CNOT8: variants seen among roughly 807,000 people sequenced by gnomAD.
The protein encoded by CNOT8 is CAF1-like protein.
In CNOT8, 18 loss-of-function variants were observed where a neutral mutation model predicts 34.6. The observed-to-expected ratio is 0.52, with a 90% CI of 0.36 to 0.77. CNOT8 has a LOEUF of 0.77. Ranked by LOEUF, CNOT8 falls within the 30% of genes least tolerant of loss-of-function variation. The probability of loss-of-function intolerance (pLI) is 0.00; values close to 1 mark genes in which losing one functional copy is unlikely to be tolerated. For missense variants in CNOT8, 189 were observed against 347.9 expected (o/e 0.54, Z 3.63); for synonymous variants, 101 against 118.8 (o/e 0.85, Z 0.98).
chr5:154,870,791 T>G lies in CNOT8; in HGVS notation c.442T>G (p.Cys148Gly). Reference protein sequence around the residue: ...ELLMTSGVVLCDNVKWLSFHS... With the variant: ...ELLMTSGVVLGDNVKWLSFHS... ...GCTTATGACATCAGGAGTGGTTCTC[T>G]GTGACAATGTCAAATGGCTTTCATT... Residue 148 changes from cysteine to glycine, a missense_variant, in exon 4 of 7, where the codon TGT (cysteine) becomes GGT (glycine). Transcript: ENST00000285896. 6.2e-7 allele frequency: 1 copy of G among 1,613,928 alleles called. No homozygotes were observed. The highest frequency in any genetic ancestry group is 1.1e-5 in the South Asian group (1 of 91,012).
intron 3 of CNOT8, among the ~76,000 whole-genome samples, chr5:154,868,136 A>C (rs1479312895): frequency 2.0e-5 from 3 of 151,604 alleles, no homozygotes; most frequent in Non-Finnish European, 4.4e-5. Flanking sequence ...ACGGGGTTTC[A>C]CCATGTTGGC....
intron 3 of CNOT8, among the ~76,000 whole-genome samples, chr5:154,866,106 C>G (rs1282841459): frequency 2.0e-5 from 3 of 152,134 alleles, no homozygotes; most frequent in East Asian, 3.9e-4. Context: ...TAGTGTACTT[C>G]CTATTGTATC....
At chr5:154,861,844 G>C (rs575132298) in intron 1 of CNOT8, among the ~76,000 whole-genome samples, 5 of 152,172 alleles carry the variant, frequency 3.3e-5, no homozygotes, top group African/African-American at 2.4e-5. Context: ...GACTGCAGGC[G>C]CGTGCCACCA....
intron 4 of CNOT8, among the ~76,000 whole-genome samples, 171 bp from the exon 5 acceptor site, chr5:154,871,559 C>CAAAAA (rs372899952): frequency 3.6e-5 from 2 of 55,436 alleles, no homozygotes; most frequent in Admixed American, 2.0e-4. Flanking sequence ...GACTCTGTCT[C>CAAAAA]AAAAAAAAAA....
At chr5:154,872,730 T>C (rs1272480723) in intron 6 of CNOT8, 79 bp downstream of exon 6, 3 of 650,118 alleles carry the variant, frequency 4.6e-6, no homozygotes, top group Admixed American at 3.1e-5. Context: ...TGGTCTGTTA[T>C]GTGGGCTGAG....
chr5:154,873,896 C>T (rs1762706537), intron 6 of CNOT8, among the ~76,000 whole-genome samples: 1 of 152,070 alleles, frequency 6.6e-6, no homozygotes, highest in South Asian at 2.1e-4. Flanking sequence ...GGTGTGCTAC[C>T]TGTCAGGATG....
At position 154,872,586 on chromosome 5, in the gene CNOT8, G is replaced by A; in HGVS notation, c.664G>A (p.Gly222Arg). 1.2e-6 allele frequency: 2 copies of A among 1,613,582 alleles called. No homozygotes were observed. The highest frequency in any genetic ancestry group is 1.7e-6 in the Non-Finnish European group (2 of 1,179,778). The change falls in exon 6 of 7, where the codon GGA becomes AGA. Residue 222 changes from glycine to arginine, a missense_variant. Transcript: ENST00000285896. ...TGATCAGTTGGATTTGCAGAGGATT[G>A]GAAGGCAGCACCAGGCAGGCTCAGA... ...VADQLDLQRI[G>R]RQHQAGSDSL...
intron 1 of CNOT8, among the ~76,000 whole-genome samples, chr5:154,862,064 C>A (rs1325627523): frequency 6.6e-6 from 1 of 152,128 alleles, no homozygotes; most frequent in Non-Finnish European, 1.5e-5. Context: ...TCGTCAGAGA[C>A]CCAATCATGT....
At chr5:154,865,103 A>G in intron 2 of CNOT8, 89 bp from the exon 3 acceptor site, 1 of 1,126,954 alleles carries the variant, frequency 8.9e-7, no homozygotes. Context: ...TAACTTTTAT[A>G]AATGGAGGTA....
At chr5:154,860,310 A>G (rs1761205892) in intron 1 of CNOT8, among the ~76,000 whole-genome samples, 1 of 151,610 alleles carries the variant, frequency 6.6e-6, no homozygotes, top group Non-Finnish European at 1.5e-5. Context: ...GATGATGATG[A>G]TGATTTTTTT....
At chr5:154,874,342 C>G (rs559296635) in intron 6 of CNOT8, among the ~76,000 whole-genome samples, 22 of 151,674 alleles carry the variant, frequency 1.5e-4, no homozygotes, top group Non-Finnish European at 2.9e-4. Flanking sequence ...TTTGGGAGGC[C>G]GAGGCAAGTG....
chr5:154,876,405 G>A lies in CNOT8; in HGVS notation c.*966G>A, dbSNP rs1043482673. ...ATGGATTAATGTGAGTAACAGGAAT[G>A]TGTCTTTAAAAAGCTAGAGTGGTTA... On this transcript the variant is annotated 3_prime_UTR_variant, in exon 7 of 7. Coordinates refer to ENST00000285896, the MANE Select transcript of CNOT8 (RefSeq NM_001301073.2). 6.6e-5 allele frequency: 10 copies of A among 152,200 alleles called. No homozygotes were observed. Among genetic ancestry groups the A allele is most frequent in the African/African-American group, 2.4e-4 (10 of 41,452 alleles). 9.4% of individuals were successfully genotyped at this position (152,200 alleles called of 1,614,324 possible).
intron 4 of CNOT8, 94 bp downstream of exon 4, chr5:154,870,916 T>C (rs1762428647): frequency 9.1e-7 from 1 of 1,099,568 alleles, no homozygotes; most frequent in African/African-American, 1.6e-5. Flanking sequence ...CTAGTGACTG[T>C]TCTGTTCAGC....
chr5:154,869,626 G>T (rs78620393), intron 3 of CNOT8, among the ~76,000 whole-genome samples: 1,399 of 124,312 alleles, frequency 0.011, 22 homozygotes, highest in African/African-American at 0.04. Flanking sequence ...GTTTTTTTGT[G>T]TTTTTTTTTT....
intron 6 of CNOT8, among the ~76,000 whole-genome samples, chr5:154,874,240 C>A (rs1582629369): frequency 6.6e-6 from 1 of 151,898 alleles, no homozygotes; most frequent in Non-Finnish European, 1.5e-5. Context: ...GATAGGAGAG[C>A]CTTTCTCCTA....
chr5:154,862,871 C>G (rs1761480574), intron 1 of CNOT8, among the ~76,000 whole-genome samples: 2 of 152,094 alleles, frequency 1.3e-5, no homozygotes, highest in Admixed American at 6.5e-5. Context: ...ATGTGAAAGT[C>G]ATGGATAAGG....
chr5:154,869,064 G>C (rs939801910), intron 3 of CNOT8, among the ~76,000 whole-genome samples: 5 of 152,054 alleles, frequency 3.3e-5, no homozygotes, highest in African/African-American at 1.2e-4. Context: ...GCTGGAAGGC[G>C]CGTCAGGTCA....
intron 6 of CNOT8, among the ~76,000 whole-genome samples, 191 bp downstream of exon 6, chr5:154,872,842 C>T (rs1483445105): frequency 6.6e-6 from 1 of 152,184 alleles, no homozygotes; most frequent in Non-Finnish European, 1.5e-5. Flanking sequence ...GATCTCAGCT[C>T]ACTGCAACCT....
intron 3 of CNOT8, among the ~76,000 whole-genome samples, chr5:154,866,038 G>A (rs950073121): frequency 3.3e-5 from 5 of 152,138 alleles, no homozygotes; most frequent in African/African-American, 4.8e-5. Context: ...GTATGCCCAG[G>A]AATTTTCAAA....
Sources: gnomAD v4.1 joint callset for allele counts (sites outside exome capture counted in the v4.1 genomes callset) on GRCh38, gnomAD v4.1.1 for gene constraint, MANE v1.5 for transcripts, NCBI Gene and HGNC (gene_info 2026-07-23, HGNC 2026-07-21) for gene names.